AEBP2: variants seen among roughly 807,000 people sequenced by gnomAD.
The protein encoded by AEBP2 is zinc finger protein AEBP2.
Under a neutral mutation model 50.8 loss-of-function variants are expected in AEBP2, and 10 were observed. The ratio of observed to expected loss-of-function variants is 0.20; its 90% CI spans 0.12 to 0.33. The LOEUF (loss-of-function observed/expected upper bound fraction) is 0.33, where lower values mean the gene tolerates loss of function less well. Ranked by LOEUF, AEBP2 falls within the 10% of genes least tolerant of loss-of-function variation. The pLI is 1.00. For synonymous variants in AEBP2, 296 were observed against 261.3 expected (o/e 1.13, Z -1.28); for missense variants, 570 against 688.0 (o/e 0.83, Z 1.92).
At chr12:19,480,964 G>A (rs1288339360) in intron 3 of AEBP2, among the ~76,000 whole-genome samples, 1 of 151,816 alleles carries the variant, frequency 6.6e-6, no homozygotes, top group Non-Finnish European at 1.5e-5. Context: ...CCCACATTTC[G>A]TGGAGACTTT....
At chr12:19,497,762 G>C (rs1004173600) in intron 4 of AEBP2, among the ~76,000 whole-genome samples, 1 of 152,110 alleles carries the variant, frequency 6.6e-6, no homozygotes, top group Non-Finnish European at 1.5e-5. Flanking sequence ...GGCATGAGCC[G>C]CTGTGTCCAG....
intron 6 of AEBP2, 75 bp from the exon 7 acceptor site, chr12:19,514,596 A>G: frequency 8.6e-7 from 1 of 1,169,028 alleles, no homozygotes; most frequent in Middle Eastern, 2.1e-4. Flanking sequence ...AGAAAATGCC[A>G]GAATGTGAAG....
chr12:19,457,462 G>T lies in AEBP2; in HGVS notation c.672-5048G>T. 3.3e-6 allele frequency: 5 copies of T among 1,517,336 alleles called. No homozygotes were observed. The South Asian group carries it at 5.0e-5, about 15-fold the overall frequency. 94.0% of individuals were successfully genotyped at this position (1,517,336 alleles called of 1,614,324 possible). On this transcript the variant is annotated intron_variant, in intron 1 of 7. Transcript: ENST00000266508. ...ATACCACGTTCACGCTCAGCTTTCA[G>T]TTTATCCAAGACCCAGGCCTACTTG...
intron 6 of AEBP2, among the ~76,000 whole-genome samples, chr12:19,513,875 G>A (rs573857034): frequency 4.9e-5 from 7 of 141,468 alleles, no homozygotes; most frequent in Admixed American, 2.1e-4. Context: ...TTTGAATTCA[G>A]TGTTATGGCC....
chr12:19,469,357 C>G (rs1049618894), intron 2 of AEBP2, among the ~76,000 whole-genome samples: 8 of 152,140 alleles, frequency 5.3e-5, no homozygotes, highest in Admixed American at 4.6e-4. Context: ...GTTTCATTGG[C>G]TGGTCTTTCT....
chr12:19,435,670 CAGTTT>C (rs1242281238), upstream of AEBP2, among the ~76,000 whole-genome samples: 2 of 152,170 alleles, frequency 1.3e-5, no homozygotes, highest in African/African-American at 4.8e-5. Flanking sequence ...TATTGCTTCT[CAGTTT>C]GAGTTCCCCA....
chr12:19,413,344 T>A, intron 1 of AEBP2: 1 of 1,087,882 alleles, frequency 9.2e-7, no homozygotes, highest in South Asian at 1.2e-5. Context: ...TGAGAAGGTG[T>A]CAGAACAAGG....
At chr12:19,405,635 TAAAG>T (rs1277371419) in intron 1 of AEBP2, among the ~76,000 whole-genome samples, 4 of 152,124 alleles carry the variant, frequency 2.6e-5, no homozygotes, top group African/African-American at 9.7e-5. Context: ...GATTTGTTCT[TAAAG>T]AAATTCAAGA....
rs1443131363 is a variant in AEBP2, at chr12:19,439,705, C to A, written c.6C>A (p.Ala2=). The A allele has an allele frequency of 5.3e-6, 8 of 1,514,824 alleles. No homozygotes were observed. Among genetic ancestry groups the A allele is most frequent in the Middle Eastern group, 1.9e-4 (1 of 5,234 alleles). 93.8% of individuals were successfully genotyped at this position (1,514,824 alleles called of 1,614,324 possible). Residue 2 remains alanine, a synonymous_variant, in exon 1 of 8, where the codon GCC becomes GCA. Coordinates refer to ENST00000266508, the MANE Select transcript of AEBP2 (RefSeq NM_153207.5). M[A]AAITDMADLE... ...GAGGAGGAGCAGGCGCCGCCATGGCCGCCGCTATCACCGACATGGCCGACC... is the reference window on the plus strand; with the variant it reads ...GAGGAGGAGCAGGCGCCGCCATGGCAGCCGCTATCACCGACATGGCCGACC...
intron 2 of AEBP2, among the ~76,000 whole-genome samples, chr12:19,470,330 T>A (rs1948551854): frequency 6.6e-6 from 1 of 152,130 alleles, no homozygotes; most frequent in South Asian, 2.1e-4. Context: ...GCTAATTTTG[T>A]ATTTTCAGTA....
At chr12:19,437,543 A>G (rs909520036), upstream of AEBP2, among the ~76,000 whole-genome samples, 7 of 151,670 alleles carry the variant, frequency 4.6e-5, no homozygotes, top group African/African-American at 1.7e-4. Context: ...GGGTCTCGCT[A>G]TTTTACCCAG....
intron 7 of AEBP2, among the ~76,000 whole-genome samples, chr12:19,516,782 T>G (rs768017396): frequency 6.6e-6 from 1 of 152,124 alleles, no homozygotes; most frequent in Non-Finnish European, 1.5e-5. Flanking sequence ...ATCCCAACAC[T>G]TTGGGAGGCC....
rs1449481702 is a variant in AEBP2, at chr12:19,434,207, C to T, written c.-16-28303C>T. On this transcript the variant is annotated intron_variant, in intron 1 of 3. Coordinates refer to the AEBP2 transcript ENST00000538425. ...TTTTTTTTTGAGATGGAGTTTTGCT[C>T]TTGTTGCCCAGGCTGGAGTGCAATG... Among the ~76,000 whole-genome samples, 2 of 145,856 alleles carry T rather than the reference C, an allele frequency of 1.4e-5. 1 individual carries two copies. Among genetic ancestry groups the T allele is most frequent in the Admixed American group, 1.4e-4 (2 of 14,404 alleles).
intron 1 of AEBP2, among the ~76,000 whole-genome samples, chr12:19,423,019 T>A (rs2153364562): frequency 7.9e-6 from 1 of 126,940 alleles, no homozygotes; most frequent in East Asian, 2.5e-4. Flanking sequence ...GAGCCGAGAT[T>A]GTGCCACTGC....
chr12:19,472,172 AATTTT>A (rs1373476946), intron 2 of AEBP2, among the ~76,000 whole-genome samples: 1 of 152,112 alleles, frequency 6.6e-6, no homozygotes, highest in South Asian at 2.1e-4. Context: ...GTCTATTAAA[AATTTT>A]ATTTTAGGCT....
chr12:19,486,232 T>C (rs1455701564), intron 3 of AEBP2, among the ~76,000 whole-genome samples: 1 of 152,166 alleles, frequency 6.6e-6, no homozygotes, highest in South Asian at 2.1e-4. Flanking sequence ...TGAACTCTTG[T>C]ATCTGGCTTT....
At chr12:19,412,050 A>C (rs758116565) in intron 1 of AEBP2, among the ~76,000 whole-genome samples, 1 of 152,254 alleles carries the variant, frequency 6.6e-6, no homozygotes, top group African/African-American at 2.4e-5. Flanking sequence ...CTACAAGGGC[A>C]CTGGTGGAGA....
intron 2 of AEBP2, among the ~76,000 whole-genome samples, chr12:19,471,303 T>G (rs1948569324): frequency 6.6e-6 from 1 of 152,162 alleles, no homozygotes; most frequent in Non-Finnish European, 1.5e-5. Context: ...ATATTTTGTA[T>G]AGACAGGGTT....
chr12:19,442,023 A>C (rs1255106256), intron 1 of AEBP2, among the ~76,000 whole-genome samples: 1 of 152,186 alleles, frequency 6.6e-6, no homozygotes, highest in African/African-American at 2.4e-5. Flanking sequence ...TACTCAGGAC[A>C]GTAAATACAG....
Sources: allele counts gnomAD v4.1 joint callset (sites outside exome capture counted in the v4.1 genomes callset), GRCh38; gene constraint gnomAD v4.1.1; transcripts MANE v1.5; gene names NCBI Gene and HGNC (gene_info 2026-07-23, HGNC 2026-07-21).